Variants in TET3 observed in about 807,000 individuals in gnomAD.
The protein encoded by TET3 is tet methylcytosine dioxygenase 3.
Under a neutral mutation model 141.4 loss-of-function variants are expected in TET3, and 19 were observed. That is an observed-to-expected ratio of 0.13 (90% CI 0.09 to 0.20). TET3 has a LOEUF of 0.20. Ranked by LOEUF, TET3 falls within the 10% of genes least tolerant of loss-of-function variation. The pLI, the probability that TET3 is intolerant of heterozygous loss-of-function variation, is 1.00. For missense variants in TET3, 1,874 were observed against 2,356.9 expected (o/e 0.80, Z 4.24); for synonymous variants, 1,043 against 980.9 (o/e 1.06, Z -1.18).
At chr2:74,004,730 T>C (rs1012113124) in intron 3 of TET3, among the ~76,000 whole-genome samples, 2 of 152,088 alleles carry the variant, frequency 1.3e-5, no homozygotes, top group African/African-American at 4.8e-5. Flanking sequence ...AGGAGAGAGC[T>C]GAGCTCACCT....
intron 3 of TET3, among the ~76,000 whole-genome samples, chr2:74,027,307 T>G (rs554132069): frequency 2.0e-5 from 3 of 151,570 alleles, no homozygotes; most frequent in East Asian, 3.9e-4. Flanking sequence ...TTTTAGACTT[T>G]CGGGGTAGAA....
chr2:74,030,586 A>G (rs1365474930), intron 3 of TET3, among the ~76,000 whole-genome samples: 2 of 152,086 alleles, frequency 1.3e-5, no homozygotes, highest in Admixed American at 6.5e-5. Context: ...GTGTTCATTT[A>G]TTTGCTTATC....
At chr2:74,075,870 C>T (rs1483435283) in intron 5 of TET3, among the ~76,000 whole-genome samples, 2 of 152,104 alleles carry the variant, frequency 1.3e-5, no homozygotes, top group African/African-American at 4.8e-5. Context: ...GCAGTGTTGT[C>T]GTGCTTGCCT....
intron 5 of TET3, 74 bp from the exon 6 acceptor site, chr2:74,080,424 G>A: frequency 1.5e-6 from 2 of 1,310,822 alleles, no homozygotes; most frequent in South Asian, 2.5e-5. Flanking sequence ...GCACACTGAG[G>A]CTGTCTTCTG....
At chr2:74,011,438 T>C (rs1460458524) in intron 3 of TET3, among the ~76,000 whole-genome samples, 1 of 152,232 alleles carries the variant, frequency 6.6e-6, no homozygotes, top group East Asian at 1.9e-4. Flanking sequence ...CAGTAGTACG[T>C]GCTGGCTTTG....
At chr2:74,080,419 C>T (rs1017345779) in intron 5 of TET3, 79 bp from the exon 6 acceptor site, 6 of 1,264,786 alleles carry the variant, frequency 4.7e-6, no homozygotes, top group Admixed American at 2.0e-5. Context: ...CAAAAGCACA[C>T]TGAGGCTGTC....
intron 6 of TET3, among the ~76,000 whole-genome samples, chr2:74,085,066 C>T (rs1690044584): frequency 6.7e-6 from 1 of 150,352 alleles, no homozygotes; most frequent in East Asian, 2.0e-4. Flanking sequence ...GATGGTTGCA[C>T]AGCAATATGA....
intron 3 of TET3, among the ~76,000 whole-genome samples, chr2:74,021,149 C>T (rs1364650532): frequency 6.6e-6 from 1 of 152,240 alleles, no homozygotes; most frequent in East Asian, 1.9e-4. Context: ...CCAGTGCCCA[C>T]CTGGGGCCTC....
chr2:74,103,077 G>C lies in TET3; in HGVS notation c.*901G>C, dbSNP rs74401687. The C allele has an allele frequency of 4.2e-4, 64 of 152,342 alleles. 2 individuals carry two copies. The highest frequency in any genetic ancestry group is 1.5e-3 in the African/African-American group (61 of 41,572). 9.4% of individuals were successfully genotyped at this position (152,342 alleles called of 1,614,324 possible). ...CCTCACGCTGGAGCTGGAGTGCGAGGTTCTTAGGGGCCGTGCCCACCATGT... is the reference window on the plus strand; with the variant it reads ...CCTCACGCTGGAGCTGGAGTGCGAGCTTCTTAGGGGCCGTGCCCACCATGT... On this transcript the variant is annotated 3_prime_UTR_variant, in exon 12 of 12. Transcript: ENST00000409262.
At chr2:74,032,508 T>TGTGTGTGTGTGTGTGTGTGTGTGTGG (rs1491152838) in intron 3 of TET3, among the ~76,000 whole-genome samples, 1 of 43,908 alleles carries the variant, frequency 2.3e-5, no homozygotes, top group South Asian at 4.8e-4. Flanking sequence ...TGTGTGTGTG[T>TGTGTGTGTGTGTGTGTGTGTGTGTGG]TAGGGGAGTT....
intron 4 of TET3, among the ~76,000 whole-genome samples, chr2:74,068,549 T>C (rs1487682365): frequency 6.6e-6 from 1 of 152,248 alleles, no homozygotes; most frequent in African/African-American, 2.4e-5. Context: ...TTACAAACAA[T>C]GATATAATGA....
chr2:74,027,307 T>C lies in TET3; in HGVS notation c.361-18971T>C, dbSNP rs554132069. Among the ~76,000 whole-genome samples, 3 of 151,514 alleles carry C rather than the reference T, an allele frequency of 2.0e-5. No individual in the cohort carries two copies. In the South Asian group the frequency reaches 6.2e-4, roughly 31 times the overall value. ...CTCGTTTTCTTAGCCTTTTAGACTT[T>C]CGGGGTAGAAGGTGGGTGATGAGAA... On this transcript the variant is annotated intron_variant, in intron 3 of 11. Coordinates refer to ENST00000409262, the MANE Select transcript of TET3 (RefSeq NM_001287491.2).
At chr2:74,051,605 C>G (rs1456225829) in intron 4 of TET3, among the ~76,000 whole-genome samples, 1 of 152,110 alleles carries the variant, frequency 6.6e-6, no homozygotes, top group Non-Finnish European at 1.5e-5. Context: ...GTAGGAGACC[C>G]GTTAGGAAGC....
At chr2:74,114,361 A>G in the TET3 span, among the ~76,000 whole-genome samples, 1 of 152,178 alleles carries the variant, frequency 6.6e-6, no homozygotes, top group Non-Finnish European at 1.5e-5. Flanking sequence ...TACAGTGTAC[A>G]CAGCTTGGGT....
chr2:74,043,037 C>T (rs2103642998), intron 3 of TET3, among the ~76,000 whole-genome samples: 2 of 152,236 alleles, frequency 1.3e-5, no homozygotes, highest in South Asian at 4.1e-4. Flanking sequence ...TTTTTAAATC[C>T]CTTTTAGTTG....
chr2:74,104,870 T>C lies in TET3; in HGVS notation c.*2694T>C, dbSNP rs1253068335. The C allele has an allele frequency of 3.5e-6, 1 of 283,164 alleles. No individual in the cohort carries two copies. Among genetic ancestry groups the C allele is most frequent in the Non-Finnish European group, 6.5e-6 (1 of 154,436 alleles). 17.5% of individuals were successfully genotyped at this position (283,164 alleles called of 1,614,324 possible). A position where few individuals can be genotyped will look rare whatever the true frequency, so the allele number is the denominator to read the frequency against. On this transcript the variant is annotated 3_prime_UTR_variant, in exon 12 of 12. Transcript: ENST00000409262. The stretch of plus-strand genomic sequence containing the variant: ...GAGGTGAGTCAAGAGGCAGTCTCCA[T>C]TGGATGTCCCCACTCCCCGCAGAAT...
At chr2:74,078,090 GC>G (rs1410784246) in intron 5 of TET3, among the ~76,000 whole-genome samples, 2 of 152,062 alleles carry the variant, frequency 1.3e-5, no homozygotes, top group Non-Finnish European at 2.9e-5. Flanking sequence ...TCATCCTTTT[GC>G]TAAGATCTTG....
At chr2:73,987,385 C>T (rs879161462) in intron 2 of TET3, among the ~76,000 whole-genome samples, 7 of 152,086 alleles carry the variant, frequency 4.6e-5, no homozygotes, top group African/African-American at 1.4e-4. Flanking sequence ...AGGTGTACTC[C>T]CTTTATTTGG....
chr2:74,112,509 G>T (rs1259110151), downstream of TET3, among the ~76,000 whole-genome samples: 1 of 151,654 alleles, frequency 6.6e-6, no homozygotes, highest in Non-Finnish European at 1.5e-5. Context: ...AAATAAACAG[G>T]AAACCAAGTT....
Sources: allele counts gnomAD v4.1 joint callset (sites outside exome capture counted in the v4.1 genomes callset), GRCh38; gene constraint gnomAD v4.1.1; transcripts MANE v1.5; gene names NCBI Gene and HGNC (gene_info 2026-07-23, HGNC 2026-07-21).